ATP6V1H: variants seen among roughly 807,000 people sequenced by gnomAD.
ATP6V1H encodes ATPase H+ transporting V1 subunit H, also known as V-type proton ATPase subunit H.
Under a neutral mutation model 71.7 loss-of-function variants are expected in ATP6V1H, and 39 were observed. The observed-to-expected ratio is 0.54, with a 90% CI of 0.42 to 0.71. The LOEUF (loss-of-function observed/expected upper bound fraction) is 0.71. Among genes scored for constraint, ATP6V1H ranks in the 30% least tolerant of loss-of-function variants. The probability of loss-of-function intolerance (pLI) is 0.00; values close to 1 mark genes in which losing one functional copy is unlikely to be tolerated. For missense variants in ATP6V1H, 509 were observed against 594.9 expected (o/e 0.86, Z 1.50); for synonymous variants, 192 against 199.3 (o/e 0.96, Z 0.31).
intron 9 of ATP6V1H, among the ~76,000 whole-genome samples, chr8:53,781,996 T>C (rs1263664224): frequency 2.0e-5 from 3 of 152,252 alleles, no homozygotes; most frequent in African/African-American, 7.2e-5. Flanking sequence ...CTTTGTTCTT[T>C]TGGCTTAGGA....
chr8:53,748,675 G>GA (rs1807691014), intron 12 of ATP6V1H, among the ~76,000 whole-genome samples: 1 of 152,016 alleles, frequency 6.6e-6, no homozygotes, highest in Non-Finnish European at 1.5e-5. Flanking sequence ...AGTTTCAGAA[G>GA]AAAAAATACA....
In ATP6V1H at chr8:53,837,494, GAA is replaced by G. The variant is rs11313569; in HGVS notation, c.113+4082_113+4083del. Among the ~76,000 whole-genome samples the G allele has an allele frequency of 2.6e-3, 348 of 134,918 alleles. 2 individuals are homozygous for G. The highest frequency in any genetic ancestry group is 8.5e-3 in the African/African-American group (323 of 38,162). The allele number at this position is 134,918 out of a possible 152,430, so 88.5% of individuals were successfully genotyped here. A position where few individuals can be genotyped will look rare whatever the true frequency, so the allele number is the denominator to read the frequency against. On this transcript the variant is annotated intron_variant, in intron 2 of 13. Coordinates refer to ENST00000359530, the MANE Select transcript of ATP6V1H (RefSeq NM_015941.4). ...TAATGCTAAGGCTGTAAATGCTATG[GAA>G]AAAAAAAAAAAACCAGTCCGGGTAG... is the stretch of plus-strand genomic sequence containing the variant.
intron 2 of ATP6V1H, among the ~76,000 whole-genome samples, chr8:53,841,323 A>G (rs1811334015): frequency 6.6e-6 from 1 of 152,092 alleles, no homozygotes; most frequent in South Asian, 2.1e-4. Flanking sequence ...TTTCCCACTT[A>G]TTCCAAAAGT....
At chr8:53,779,359 A>T (rs761153795) in intron 9 of ATP6V1H, among the ~76,000 whole-genome samples, 1 of 152,040 alleles carries the variant, frequency 6.6e-6, no homozygotes, top group Non-Finnish European at 1.5e-5. Context: ...AATTAAGCTT[A>T]AAAAGACCAG....
At position 53,791,900 on chromosome 8, in the gene ATP6V1H, G is replaced by T. The variant is rs113416956; in HGVS notation, c.870+3747C>A. On this transcript the variant is annotated intron_variant, in intron 9 of 13. Transcript: ENST00000359530. ...TCCCCGAATAATTAGCACAGCCCCTGGCACATACATGGAACCCACAACTGT... is the reference window on the plus strand; with the variant it reads ...TCCCCGAATAATTAGCACAGCCCCTTGCACATACATGGAACCCACAACTGT... 5.9e-5 allele frequency among the ~76,000 whole-genome samples: 9 copies of T among 152,238 alleles called. 1 individual carries two copies. The highest frequency in any genetic ancestry group is 2.2e-4 in the African/African-American group (9 of 41,522).
At chr8:53,766,695 C>CT (rs1343157404) in intron 11 of ATP6V1H, among the ~76,000 whole-genome samples, 1 of 152,194 alleles carries the variant, frequency 6.6e-6, no homozygotes, top group Non-Finnish European at 1.5e-5. Flanking sequence ...GTACCTGTCT[C>CT]TTATGGTTGA....
intron 13 of ATP6V1H, among the ~76,000 whole-genome samples, chr8:53,739,896 T>A (rs1807354040): frequency 6.6e-6 from 1 of 152,156 alleles, no homozygotes; most frequent in South Asian, 2.1e-4. Context: ...GGTGCCACTG[T>A]CCCCTCCCTC....
intron 8 of ATP6V1H, among the ~76,000 whole-genome samples, chr8:53,799,268 T>A (rs1056398079): frequency 2.0e-5 from 3 of 152,192 alleles, no homozygotes; most frequent in African/African-American, 7.2e-5. Flanking sequence ...TATTTTATCA[T>A]TATTCATTGA....
At chr8:53,769,881 C>T (rs961519773) in intron 10 of ATP6V1H, 138 bp from the exon 11 acceptor site, 72 of 710,232 alleles carry the variant, frequency 1.0e-4, no homozygotes, top group Admixed American at 3.1e-4. Context: ...TACCACCAAA[C>T]GAACTTTAAA....
chr8:53,754,083 G>C (rs1228613716), intron 12 of ATP6V1H, among the ~76,000 whole-genome samples: 1 of 152,210 alleles, frequency 6.6e-6, no homozygotes, highest in Non-Finnish European at 1.5e-5. Flanking sequence ...CCTGAACTTA[G>C]AGAAACCCCA....
intron 7 of ATP6V1H, 112 bp downstream of exon 7, chr8:53,811,052 T>A (rs1585813359): frequency 1.3e-6 from 1 of 759,576 alleles, no homozygotes; most frequent in South Asian, 1.8e-5. Context: ...TAACTGGAGG[T>A]GACCATGGAT....
intron 10 of ATP6V1H, among the ~76,000 whole-genome samples, chr8:53,770,135 T>C (rs955766909): frequency 5.3e-5 from 8 of 152,120 alleles, no homozygotes; most frequent in Non-Finnish European, 8.8e-5. Context: ...TGTAAAAGCA[T>C]AGTACTTTAA....
At chr8:53,801,281 A>G (rs947865038) in intron 8 of ATP6V1H, among the ~76,000 whole-genome samples, 26 of 152,332 alleles carry the variant, frequency 1.7e-4, no homozygotes, top group South Asian at 2.1e-4. Context: ...AAAAGCAGTT[A>G]GATCTCTCAT....
intron 10 of ATP6V1H, among the ~76,000 whole-genome samples, chr8:53,770,399 T>C (rs538485626): frequency 7.2e-5 from 11 of 152,322 alleles, no homozygotes; most frequent in Middle Eastern, 3.4e-3. Flanking sequence ...AAATGTTTAA[T>C]GTGGTTAGCC....
At chr8:53,807,529 C>T (rs928632458) in intron 7 of ATP6V1H, among the ~76,000 whole-genome samples, 4 of 152,020 alleles carry the variant, frequency 2.6e-5, no homozygotes, top group Admixed American at 6.6e-5. Flanking sequence ...AAACATTATG[C>T]TAAGTGAAGG....
chr8:53,755,699 TA>T (rs1807996851), intron 12 of ATP6V1H, among the ~76,000 whole-genome samples: 1 of 2,000 alleles, frequency 5.0e-4, no homozygotes, highest in Admixed American at 4.1e-3. Context: ...TATATATATA[TA>T]TATATATATA....
intron 10 of ATP6V1H, 105 bp from the exon 11 acceptor site, chr8:53,769,848 C>T (rs1157375249): frequency 5.0e-6 from 5 of 996,194 alleles, no homozygotes; most frequent in African/African-American, 3.3e-5. Flanking sequence ...CAAAGACTGA[C>T]CATCCTTTGT....
At chr8:53,805,542 CA>C (rs1428573158) in intron 7 of ATP6V1H, among the ~76,000 whole-genome samples, 3 of 152,004 alleles carry the variant, frequency 2.0e-5, no homozygotes, top group Non-Finnish European at 4.4e-5. Context: ...AGAACTGAAA[CA>C]AATGGAATTT....
intron 13 of ATP6V1H, 23 bp from the exon 14 acceptor site, chr8:53,716,047 G>A (rs1377455835): frequency 1.0e-5 from 16 of 1,590,132 alleles, no homozygotes; most frequent in Admixed American, 5.3e-5. Flanking sequence ...AATGAAGTAA[G>A]GAGAATGAGA....
Sources: gnomAD v4.1 joint callset for allele counts (sites outside exome capture counted in the v4.1 genomes callset) on GRCh38, gnomAD v4.1.1 for gene constraint, MANE v1.5 for transcripts, NCBI Gene and HGNC (gene_info 2026-07-23, HGNC 2026-07-21) for gene names.